FAM90A10: variants seen among roughly 807,000 people sequenced by gnomAD.
The protein encoded by FAM90A10 is family with sequence similarity 90 member A10, also known as protein FAM90A10.
chr8:7,771,530 T>C, the FAM90A10 span: 1 of 486,454 alleles, frequency 2.1e-6, no homozygotes, highest in Admixed American at 3.7e-5. Flanking sequence ...ACTGGGTCCC[T>C]TCCAGATCCC....
the FAM90A10 span, among the ~76,000 whole-genome samples, chr8:7,769,320 C>T: frequency 2.2e-5 from 2 of 90,666 alleles, no homozygotes; most frequent in African/African-American, 3.8e-5. Context: ...TACTTCGAGT[C>T]CTGTGTAGCC....
chr8:7,771,777 T>C, the FAM90A10 span: 1 of 645,774 alleles, frequency 1.5e-6, no homozygotes, highest in Non-Finnish European at 2.6e-6. Flanking sequence ...CTCAGAGTGC[T>C]CTTCCGGAGA....
the FAM90A10 span, chr8:7,771,452 G>C: frequency 2.0e-5 from 9 of 457,026 alleles, 2 homozygotes; most frequent in Non-Finnish European, 3.1e-5. Context: ...TCTCAGCTTC[G>C]GGCCGGGAGC....
the FAM90A10 span, chr8:7,771,647 A>T: frequency 1.5e-6 from 1 of 668,682 alleles, no homozygotes; most frequent in Non-Finnish European, 2.5e-6. Flanking sequence ...GGGCAGGAGG[A>T]CACCGGCCCA....
the FAM90A10 span, chr8:7,769,646 G>A: frequency 1.0e-3 from 697 of 695,072 alleles, 211 homozygotes; most frequent in South Asian, 0.013. Flanking sequence ...AGTACCACGT[G>A]CCCCATGAAG....
At chr8:7,770,360 G>T in the FAM90A10 span, 1 of 128,536 alleles carries the variant, frequency 7.8e-6, no homozygotes, top group Non-Finnish European at 1.3e-5. Context: ...AGCATCTGAG[G>T]GTGAGTGTCA....
chr8:7,769,672 C>T, the FAM90A10 span: 1 of 582,810 alleles, frequency 1.7e-6, no homozygotes, highest in Non-Finnish European at 2.7e-6. Flanking sequence ...GAAGGCAGCC[C>T]TGGTTCCAGC....
the FAM90A10 span, among the ~76,000 whole-genome samples, chr8:7,769,435 C>A: frequency 9.0e-6 from 1 of 110,922 alleles, no homozygotes; most frequent in South Asian, 3.6e-4. Flanking sequence ...GAGGGAACAT[C>A]GTATCCGAAC....
the FAM90A10 span, among the ~76,000 whole-genome samples, chr8:7,769,378 A>C: frequency 9.4e-6 from 1 of 106,798 alleles, no homozygotes; most frequent in Non-Finnish European, 1.9e-5. Flanking sequence ...TGCCCCTTGG[A>C]ACCTTGAGTC....
At chr8:7,769,237 G>T in the FAM90A10 span, 3 of 98,460 alleles carry the variant, frequency 3.0e-5, no homozygotes, top group South Asian at 3.8e-4. Context: ...CCCATCCAAG[G>T]TGGGCGTGGC....
chr8:7,769,366 C>T, the FAM90A10 span, among the ~76,000 whole-genome samples: 4 of 104,982 alleles, frequency 3.8e-5, no homozygotes, highest in African/African-American at 1.0e-4. Context: ...GCTTCACCAT[C>T]GTGCCCCTTG....
At chr8:7,769,534 G>T in the FAM90A10 span, 4 of 348,764 alleles carry the variant, frequency 1.1e-5, no homozygotes, top group African/African-American at 1.2e-4. Flanking sequence ...CAATGTTGAC[G>T]TGGGATCGCT....
chr8:7,771,492 C>G, the FAM90A10 span: 9 of 472,330 alleles, frequency 1.9e-5, 1 homozygote, highest in East Asian at 4.4e-5. Context: ...CCGATTCAGG[C>G]TTGCCTGAAC....
At chr8:7,769,708 G>A in the FAM90A10 span, 1 of 510,924 alleles carries the variant, frequency 2.0e-6, no homozygotes, top group Non-Finnish European at 3.2e-6. Context: ...GGAAGGGAAG[G>A]AAAACCTGAA....
At chr8:7,769,426 A>C in the FAM90A10 span, among the ~76,000 whole-genome samples, 1 of 111,296 alleles carries the variant, frequency 9.0e-6, no homozygotes. Context: ...GGGCTTTGCG[A>C]GGGAACATCG....
chr8:7,770,407 C>G, the FAM90A10 span: 1 of 118,276 alleles, frequency 8.5e-6, no homozygotes, highest in Non-Finnish European at 1.4e-5. Flanking sequence ...CTAGGTCACC[C>G]TGGTTGATTT....
the FAM90A10 span, chr8:7,771,252 C>T: frequency 4.2e-6 from 2 of 480,268 alleles, no homozygotes; most frequent in Non-Finnish European, 6.6e-6. Flanking sequence ...CACCAGGGCC[C>T]CGAGCCTCTC....
the FAM90A10 span, chr8:7,769,739 A>T: frequency 1.9e-6 from 1 of 513,292 alleles, no homozygotes; most frequent in Non-Finnish European, 3.2e-6. Context: ...CCCCGGGGTG[A>T]AGCCAACCCG....
the FAM90A10 span, chr8:7,769,058 G>T: frequency 6.5e-6 from 1 of 152,898 alleles, no homozygotes; most frequent in Non-Finnish European, 1.1e-5. Flanking sequence ...GAGGGCCCCA[G>T]TTGGGCCAAG....
Sources: gnomAD v4.1 joint callset for allele counts (sites outside exome capture counted in the v4.1 genomes callset) on GRCh38, gnomAD v4.1.1 for gene constraint, MANE v1.5 for transcripts, NCBI Gene and HGNC (gene_info 2026-07-23, HGNC 2026-07-21) for gene names.